Variants in KAZN observed in about 807,000 individuals in gnomAD.
KAZN encodes kazrin.
In KAZN, 40 loss-of-function variants were observed where a neutral mutation model predicts 87.4. The observed-to-expected ratio is 0.46, with a 90% CI of 0.36 to 0.60. KAZN has a LOEUF of 0.60. KAZN is among the 20% of genes least tolerant of loss of function. The probability of loss-of-function intolerance (pLI) is 0.00; values close to 1 mark genes in which losing one functional copy is unlikely to be tolerated. For synonymous variants in KAZN, 466 were observed against 458.3 expected (o/e 1.02, Z -0.22); for missense variants, 898 against 1,073.9 (o/e 0.84, Z 2.29).
In KAZN at chr1:15,028,794, G is replaced by A. The variant is rs529357819; in HGVS notation, c.419-5955G>A. On this transcript the variant is annotated intron_variant, in intron 2 of 14. Transcript: ENST00000376030. The stretch of plus-strand genomic sequence containing the variant: ...GAGGTGGGCAGAGCGAGGAGCGCCC[G>A]TGGAAAAGAACCATGAAGTGAAGCC... 7.9e-5 allele frequency among the ~76,000 whole-genome samples: 12 copies of A among 152,298 alleles called. No homozygotes were observed. The South Asian group carries it at 8.3e-4, about 11-fold the overall frequency.
At chr1:14,264,656 C>A (rs1347345017) in intron 2 of KAZN, among the ~76,000 whole-genome samples, 1 of 152,174 alleles carries the variant, frequency 6.6e-6, no homozygotes, top group African/African-American at 2.4e-5. Context: ...TACTGGACTT[C>A]TCAGCCTTCA....
intron 1 of KAZN, among the ~76,000 whole-genome samples, chr1:14,844,517 G>T (rs765204448): frequency 2.0e-5 from 3 of 152,200 alleles, no homozygotes; most frequent in Non-Finnish European, 2.9e-5. Context: ...TGGGCTGTCA[G>T]CCTGGCTGAA....
chr1:14,226,010 G>A (rs980435525), intron 2 of KAZN, among the ~76,000 whole-genome samples: 9 of 151,814 alleles, frequency 5.9e-5, no homozygotes, highest in African/African-American at 2.2e-4. Context: ...ATTGACCATA[G>A]GACCTAATCA....
chr1:14,021,817 G>A (rs974899779), intron 1 of KAZN, among the ~76,000 whole-genome samples: 1 of 152,136 alleles, frequency 6.6e-6, no homozygotes, highest in African/African-American at 2.4e-5. Flanking sequence ...GTTCCCTGGG[G>A]AAGCCAATTT....
At chr1:14,441,976 T>C (rs564399591) in intron 2 of KAZN, among the ~76,000 whole-genome samples, 2 of 152,142 alleles carry the variant, frequency 1.3e-5, no homozygotes, top group Non-Finnish European at 2.9e-5. Context: ...AGGGCTGCCA[T>C]GTAGGGTTGA....
At chr1:14,653,053 G>A (rs965555633) in intron 1 of KAZN, among the ~76,000 whole-genome samples, 13 of 152,182 alleles carry the variant, frequency 8.5e-5, no homozygotes, top group Middle Eastern at 3.2e-3. Context: ...GAAACTTACC[G>A]TCTTGCAGGG....
intron 1 of KAZN, among the ~76,000 whole-genome samples, chr1:14,799,526 G>C (rs985672027): frequency 7.2e-5 from 11 of 152,166 alleles, no homozygotes; most frequent in African/African-American, 2.4e-4. Flanking sequence ...CCAGGTTCGA[G>C]GCTAACTTTC....
chr1:14,310,581 G>A (rs1047118123), intron 2 of KAZN, among the ~76,000 whole-genome samples: 7 of 152,160 alleles, frequency 4.6e-5, no homozygotes, highest in Admixed American at 2.0e-4. Context: ...GCCGACGTAT[G>A]TACCAGACTA....
chr1:14,911,074 G>T (rs1657193100), intron 1 of KAZN, among the ~76,000 whole-genome samples: 1 of 152,154 alleles, frequency 6.6e-6, no homozygotes, highest in Non-Finnish European at 1.5e-5. Context: ...TCCATGCCAG[G>T]CCTCTGAACC....
intron 1 of KAZN, among the ~76,000 whole-genome samples, chr1:14,817,483 A>G (rs1330063429): frequency 6.6e-6 from 1 of 152,202 alleles, no homozygotes. Context: ...AGATAGCGTG[A>G]TATGGCACAA....
At position 14,614,404 on chromosome 1, in the gene KAZN, G is replaced by A. The variant is rs1678059540; in HGVS notation, c.226+15181G>A. Among the ~76,000 whole-genome samples the A allele has an allele frequency of 2.0e-5, 3 of 152,280 alleles. No individual in the cohort carries two copies. The South Asian group carries it at 6.2e-4, about 32-fold the overall frequency. On this transcript the variant is annotated intron_variant, in intron 1 of 14. Coordinates refer to ENST00000376030, the MANE Select transcript of KAZN (RefSeq NM_201628.3). ...CTGGTTTTCATTTCTCTTCCTTCGT[G>A]TTTGGTTCATCTTTGGCTGGAGGGC...
chr1:14,266,165 CTA>C (rs1651459425), intron 2 of KAZN, among the ~76,000 whole-genome samples: 1 of 152,186 alleles, frequency 6.6e-6, no homozygotes, highest in African/African-American at 2.4e-5. Flanking sequence ...TGTTATAACT[CTA>C]TGTGTCTTTA....
Position 14,856,980 on chromosome 1 carries a change from G to T in KAZN, c.227-103704G>T, listed in dbSNP as rs919059963. 6.6e-6 allele frequency among the ~76,000 whole-genome samples: 1 copy of T among 152,118 alleles called. No individual in the cohort carries two copies. Among genetic ancestry groups the T allele is most frequent in the Non-Finnish European group, 1.5e-5 (1 of 68,022 alleles). On this transcript the variant is annotated intron_variant, in intron 1 of 14. Transcript: ENST00000376030. This position sits in a 1 kb window ranked among gnomAD's most constrained non-coding sequence, Gnocchi z 5.2. ...CTGCAGAGGATAACAATTTGCACTCGAACAGGAGAACATGGGCATAAATGC... is the reference window on the plus strand; with the variant it reads ...CTGCAGAGGATAACAATTTGCACTCTAACAGGAGAACATGGGCATAAATGC...
intron 2 of KAZN, among the ~76,000 whole-genome samples, chr1:15,018,444 G>A (rs1670343392): frequency 6.6e-6 from 1 of 151,824 alleles, no homozygotes; most frequent in South Asian, 2.1e-4. Context: ...CTGGTTGCAG[G>A]AGAAGACAAG....
chr1:14,085,571 C>G (rs1290042708), intron 1 of KAZN, among the ~76,000 whole-genome samples: 1 of 152,210 alleles, frequency 6.6e-6, no homozygotes, highest in Non-Finnish European at 1.5e-5. Context: ...TTGCTTTTGA[C>G]AGTCATTCAT....
At chr1:14,480,182 G>T (rs137948599) in intron 2 of KAZN, among the ~76,000 whole-genome samples, 4 of 152,196 alleles carry the variant, frequency 2.6e-5, no homozygotes, top group African/African-American at 9.7e-5. Context: ...CTCTGTGCCC[G>T]CAGGCAGGCA....
chr1:14,189,264 G>C (rs909452057), intron 2 of KAZN, among the ~76,000 whole-genome samples: 3 of 152,164 alleles, frequency 2.0e-5, no homozygotes, highest in Non-Finnish European at 4.4e-5. Flanking sequence ...GTAGCCCAGA[G>C]ACTTGCTTTC....
At position 14,932,513 on chromosome 1, in the gene KAZN, A is replaced by T. The variant is rs562319464; in HGVS notation, c.227-28171A>T. On this transcript the variant is annotated intron_variant, in intron 1 of 14. Transcript: ENST00000376030. ...CCTGGGCTTAAATGCAGCTAGTACG[A>T]CTGAAGAACTGAGCTTTAAATTGTA... 3.3e-5 allele frequency among the ~76,000 whole-genome samples: 5 copies of T among 152,314 alleles called. No homozygotes were observed. In the South Asian group the frequency reaches 8.3e-4, roughly 25 times the overall value.
chr1:14,485,159 A>G (rs1373247749), intron 2 of KAZN, among the ~76,000 whole-genome samples: 1 of 152,222 alleles, frequency 6.6e-6, no homozygotes, highest in Non-Finnish European at 1.5e-5. Context: ...GATCAAGTCT[A>G]CTGAAAGGAA....
Sources: gnomAD v4.1 joint callset for allele counts (sites outside exome capture counted in the v4.1 genomes callset) on GRCh38, gnomAD v4.1.1 for gene constraint, Gnocchi (gnomAD v3.1) non-coding constraint, MANE v1.5 for transcripts, NCBI Gene and HGNC (gene_info 2026-07-23, HGNC 2026-07-21) for gene names.